WWOX: variants seen among roughly 807,000 people sequenced by gnomAD.
The protein encoded by WWOX is WW domain containing oxidoreductase.
Under a neutral mutation model 46.2 loss-of-function variants are expected in WWOX, and 69 were observed. The ratio of observed to expected loss-of-function variants is 1.49; its 90% confidence interval spans 1.23 to 1.82. WWOX has a LOEUF of 1.82. Ranked by LOEUF, WWOX falls within the 40% of genes most tolerant of loss-of-function variation. The pLI, the probability that WWOX is intolerant of heterozygous loss-of-function variation, is 0.00. For missense variants in WWOX, 919 were observed against 542.6 expected (o/e 1.69, Z -6.89); for synonymous variants, 359 against 202.6 (o/e 1.77, Z -6.56).
At chr16:79,198,002 A>G (rs1445368032) in intron 8 of WWOX, among the ~76,000 whole-genome samples, 1 of 152,168 alleles carries the variant, frequency 6.6e-6, no homozygotes, top group African/African-American at 2.4e-5. Flanking sequence ...TCAATTGGTC[A>G]TCTACCAAAA....
At chr16:78,150,070 A>G (rs752923452) in intron 4 of WWOX, among the ~76,000 whole-genome samples, 7 of 152,108 alleles carry the variant, frequency 4.6e-5, no homozygotes, top group Non-Finnish European at 1.0e-4. Flanking sequence ...CCTACTTCAA[A>G]TGCCAGTAGC....
intron 8 of WWOX, among the ~76,000 whole-genome samples, chr16:78,713,627 A>G (rs142867229): frequency 1.2e-4 from 18 of 152,318 alleles, no homozygotes; most frequent in South Asian, 2.1e-4. Flanking sequence ...ATTCATATGC[A>G]TGGAGGAAAG....
chr16:78,549,143 C>T lies in WWOX; in HGVS notation c.1056+116391C>T, dbSNP rs545099920. On this transcript the variant is annotated intron_variant, in intron 8 of 8. Transcript: ENST00000566780. ...TATTGAGATTTGTGGAGGTGTACTA[C>T]ATCCGTAATTGGGAGAGATTGCCGG... Among the ~76,000 whole-genome samples, 365 of 152,274 alleles carry T rather than the reference C, an allele frequency of 2.4e-3. 3 individuals are homozygous for T. Among genetic ancestry groups the T allele is most frequent in the African/African-American group, 8.1e-3 (336 of 41,550 alleles).
intron 8 of WWOX, among the ~76,000 whole-genome samples, chr16:79,190,573 T>A (rs1409309532): frequency 6.6e-6 from 1 of 152,136 alleles, no homozygotes. Flanking sequence ...GGCACGACAG[T>A]TCAGTCAAAT....
rs117954601 is a variant in WWOX, at chr16:78,224,070, C to T, written c.516+59781C>T. ...CCAGGCAGGAATGCAGTGGGGTGAT[C>T]TCAGCTCATTGCAAGCTCCGTCTCC... On this transcript the variant is annotated intron_variant, in intron 5 of 8. Coordinates refer to ENST00000566780, the MANE Select transcript of WWOX (RefSeq NM_016373.4). Among the ~76,000 whole-genome samples the T allele has an allele frequency of 5.7e-3, 867 of 152,220 alleles. 9 individuals carry two copies. The highest frequency in any genetic ancestry group is 0.01 in the Middle Eastern group (3 of 294).
intron 8 of WWOX, among the ~76,000 whole-genome samples, chr16:78,702,648 C>CT (rs1271541959): frequency 5.0e-5 from 7 of 140,142 alleles, no homozygotes; most frequent in African/African-American, 1.8e-4. Flanking sequence ...GAGCAAGACT[C>CT]TGTCTCAAAA....
chr16:79,051,226 G>A (rs899716433), intron 8 of WWOX, among the ~76,000 whole-genome samples: 3 of 152,206 alleles, frequency 2.0e-5, no homozygotes, highest in Admixed American at 1.3e-4. Flanking sequence ...TTGCCTTGCT[G>A]TGGGAAGGGG....
At chr16:78,489,009 G>A (rs10871351) in intron 8 of WWOX, among the ~76,000 whole-genome samples, 93,425 of 152,094 alleles carry the variant, frequency 0.61, 33,593 homozygotes, top group East Asian at 0.83. Flanking sequence ...TCTGCAGAGT[G>A]TCTAAATCCT....
At chr16:78,919,348 C>T (rs1257174277) in intron 8 of WWOX, among the ~76,000 whole-genome samples, 1 of 151,886 alleles carries the variant, frequency 6.6e-6, no homozygotes. Flanking sequence ...GTGGTAGATT[C>T]TAGAATTTGC....
At chr16:78,263,948 C>T (rs947783315) in intron 5 of WWOX, among the ~76,000 whole-genome samples, 9 of 146,036 alleles carry the variant, frequency 6.2e-5, no homozygotes, top group Non-Finnish European at 1.3e-4. Flanking sequence ...TGCCATCTCA[C>T]GACTTTTCCC....
intron 7 of WWOX, among the ~76,000 whole-genome samples, chr16:78,427,070 C>T (rs1036228931): frequency 1.3e-5 from 2 of 152,322 alleles, no homozygotes; most frequent in African/African-American, 2.4e-5. Context: ...AGCGTGGTGA[C>T]TTGGTGCGTA....
intron 5 of WWOX, among the ~76,000 whole-genome samples, chr16:78,310,259 C>T (rs909784486): frequency 6.6e-6 from 1 of 152,182 alleles, no homozygotes; most frequent in African/African-American, 2.4e-5. Context: ...AATTTCACCT[C>T]TATTGTATGT....
At chr16:78,507,615 C>G (rs182168276) in intron 8 of WWOX, among the ~76,000 whole-genome samples, 53 of 152,252 alleles carry the variant, frequency 3.5e-4, no homozygotes, top group African/African-American at 8.9e-4. Context: ...ACATATCACC[C>G]CCATACTCGA....
chr16:78,937,192 G>A (rs1046224330), intron 8 of WWOX, among the ~76,000 whole-genome samples: 2 of 152,114 alleles, frequency 1.3e-5, no homozygotes, highest in East Asian at 3.8e-4. Flanking sequence ...GATTTTTGGA[G>A]AGGGGAGCAG....
At chr16:78,185,185 AG>A (rs1396317453) in intron 5 of WWOX, among the ~76,000 whole-genome samples, 1 of 152,204 alleles carries the variant, frequency 6.6e-6, no homozygotes, top group Non-Finnish European at 1.5e-5. Context: ...ATGTGCATAG[AG>A]GGAGGCCGAG....
At chr16:78,284,956 T>C (rs1402949941) in intron 5 of WWOX, among the ~76,000 whole-genome samples, 1 of 152,234 alleles carries the variant, frequency 6.6e-6, no homozygotes, top group Non-Finnish European at 1.5e-5. Flanking sequence ...CGGTCTCCTC[T>C]GCTGTCTATT....
intron 8 of WWOX, among the ~76,000 whole-genome samples, chr16:78,925,077 C>G (rs886456774): frequency 1.3e-5 from 2 of 152,100 alleles, no homozygotes; most frequent in Admixed American, 1.3e-4. Flanking sequence ...TGCCTGTAGT[C>G]CCAGTTACTG....
intron 5 of WWOX, among the ~76,000 whole-genome samples, chr16:78,380,357 G>A (rs1333547048): frequency 6.6e-6 from 1 of 152,172 alleles, no homozygotes; most frequent in African/African-American, 2.4e-5. Context: ...TGAGCCTTTT[G>A]AACCTCAGCT....
intron 8 of WWOX, among the ~76,000 whole-genome samples, chr16:79,123,889 C>T (rs1053100636): frequency 2.0e-5 from 3 of 152,110 alleles, no homozygotes; most frequent in African/African-American, 7.2e-5. Context: ...CAGGCAGCAT[C>T]GATGGAGGTT....
Sources: gnomAD v4.1 joint callset for allele counts (sites outside exome capture counted in the v4.1 genomes callset) on GRCh38, gnomAD v4.1.1 for gene constraint, MANE v1.5 for transcripts, NCBI Gene and HGNC (gene_info 2026-07-23, HGNC 2026-07-21) for gene names.